HMCN2: variants seen among roughly 807,000 people sequenced by gnomAD.
HMCN2 encodes hemicentin-2.
HMCN2 carries 325 observed loss-of-function variants against 377.5 expected under a neutral mutation model. The observed-to-expected ratio is 0.86, with a 90% confidence interval of 0.79 to 0.94. The LOEUF (loss-of-function observed/expected upper bound fraction) is 0.94, where lower values mean the gene tolerates loss of function less well. HMCN2 is among the 40% of genes least tolerant of loss of function. The probability of loss-of-function intolerance (pLI) is 0.00; values close to 1 mark genes in which losing one functional copy is unlikely to be tolerated. For missense variants in HMCN2, 4,543 were observed against 4,725.3 expected (o/e 0.96, Z 1.13); for synonymous variants, 2,007 against 2,046.8 (o/e 0.98, Z 0.53).
At chr9:130,389,583 T>G (rs1488576092) in intron 62 of HMCN2, among the ~76,000 whole-genome samples, 1 of 152,158 alleles carries the variant, frequency 6.6e-6, no homozygotes, top group Non-Finnish European at 1.5e-5. Flanking sequence ...TCATTCTTTT[T>G]TTTTTTTTTG....
At chr9:130,331,896 G>A (rs961629481) in intron 22 of HMCN2, among the ~76,000 whole-genome samples, 3 of 152,154 alleles carry the variant, frequency 2.0e-5, no homozygotes, top group Non-Finnish European at 2.9e-5. Context: ...AGGATGGTGC[G>A]TTTCTATCTC....
In HMCN2 at chr9:130,337,951, C is replaced by T. The variant is rs993548445; in HGVS notation, c.3417C>T (p.Ser1139=). The change falls in exon 23 of 98, where the codon AGC becomes AGT. Residue 1139 remains serine (S), a synonymous_variant. Coordinates refer to ENST00000683500, the MANE Select transcript of HMCN2 (RefSeq NM_001291815.2). ...LRLAQVQVGD[S]GHYECTASNP... is the part of the protein sequence containing the mutation. ...TGGCCCAGGTGCAGGTGGGTGACAG[C>T]GGCCACTACGAGTGCACAGCCAGTA... 0.033 allele frequency: 4,968 copies of T among 152,644 alleles called. 138 individuals carry two copies. Among genetic ancestry groups the T allele is most frequent in the Middle Eastern group, 0.083 (25 of 300 alleles). 9.5% of individuals were successfully genotyped at this position (152,644 alleles called of 1,614,324 possible).
At position 130,319,221 on chromosome 9, in the gene HMCN2, G is replaced by T. The variant is rs908899318; in HGVS notation, c.2351-274G>T. Among the ~76,000 whole-genome samples the T allele has an allele frequency of 9.2e-5, 14 of 152,230 alleles. No homozygotes were observed. The East Asian group carries it at 2.7e-3, about 29-fold the overall frequency. On this transcript the variant is annotated intron_variant, in intron 15 of 97. Coordinates refer to ENST00000683500, the MANE Select transcript of HMCN2 (RefSeq NM_001291815.2). ...CCTGGGAGGTGTCACAGCCAGGAGT[G>T]GGCATGCTGCTCCCTCCCCTGCACC...
chr9:130,334,730 TTC>T (rs1244703266), intron 22 of HMCN2, among the ~76,000 whole-genome samples: 3 of 134,964 alleles, frequency 2.2e-5, no homozygotes, highest in Non-Finnish European at 4.8e-5. Context: ...TCTTCTCTCT[TTC>T]TCTCTCTTTC....
chr9:130,395,308 G>T lies in HMCN2; in HGVS notation c.10872G>T (p.Ala3624=), dbSNP rs1458423939. 1 of 1,289,302 alleles carries T rather than the reference G, an allele frequency of 7.8e-7. No homozygotes were observed. The highest frequency in any genetic ancestry group is 1.0e-6 in the Non-Finnish European group (1 of 988,698). The allele number at this position is 1,289,302 out of a possible 1,614,324, so 79.9% of individuals were successfully genotyped here. A position where few individuals can be genotyped will look rare whatever the true frequency, so the allele number is the denominator to read the frequency against. ...AGTGTTCGGTGGAGGCAGAGCCAGC[G>T]CCCAAGATCACGTGGCACCGAGACG... The part of the protein sequence containing the change: ...VLECSVEAEP[A]PKITWHRDGI... Residue 3624 remains alanine, a synonymous_variant, in exon 71 of 98, where the codon GCG becomes GCT. Transcript: ENST00000683500.
chr9:130,292,957 T>TCTAC (rs1367690162), intron 4 of HMCN2, among the ~76,000 whole-genome samples: 1 of 47,952 alleles, frequency 2.1e-5, no homozygotes, highest in Non-Finnish European at 3.9e-5. Context: ...GATCAATTGC[T>TCTAC]CTATCTATCT....
chr9:130,395,334 G>T lies in HMCN2; in HGVS notation c.10898G>T (p.Gly3633Val), dbSNP rs1274029242. The T allele has an allele frequency of 7.8e-7, 1 of 1,288,388 alleles. No individual in the cohort carries two copies. The highest frequency in any genetic ancestry group is 1.2e-5 in the South Asian group (1 of 80,816). The allele number at this position is 1,288,388 out of a possible 1,614,324, so 79.8% of individuals were successfully genotyped here. ...CCCAAGATCACGTGGCACCGAGACG[G>T]CATTGTGCTGCAGGTGGGCGCCAGG... is the stretch of plus-strand genomic sequence containing the variant. The part of the protein sequence containing the change: ...PAPKITWHRD[G>V]IVLQEDAHTQ... Residue 3633 changes from glycine to valine, a missense_variant, in exon 71 of 98, where the codon GGC becomes GTC. Physicochemically the swap from Gly to Val is moderately radical, Grantham distance 109. Around this residue, in one of 5 missense-constraint regions of HMCN2, gnomAD observed 1,073 missense variants for 1,319.5 expected, o/e 0.81. Coordinates refer to ENST00000683500, the MANE Select transcript of HMCN2 (RefSeq NM_001291815.2).
intron 1 of HMCN2, among the ~76,000 whole-genome samples, chr9:130,266,787 A>G (rs1321135056): frequency 6.6e-6 from 1 of 152,168 alleles, no homozygotes; most frequent in Non-Finnish European, 1.5e-5. Context: ...TCTTCCCTGC[A>G]CGCTGCACCT....
At chr9:130,312,758 T>C (rs1837339139) in intron 15 of HMCN2, among the ~76,000 whole-genome samples, 1 of 150,362 alleles carries the variant, frequency 6.7e-6, no homozygotes, top group African/African-American at 2.4e-5. Context: ...CTCTACCTCC[T>C]AGGTTCAAGT....
chr9:130,298,018 G>A (rs1554932751), intron 7 of HMCN2, among the ~76,000 whole-genome samples: 2 of 152,148 alleles, frequency 1.3e-5, no homozygotes, highest in African/African-American at 4.8e-5. Context: ...GCAGTGGTGC[G>A]ATCTCTGCTC....
chr9:130,271,583 TTTTTTG>T (rs1305106226), intron 1 of HMCN2, among the ~76,000 whole-genome samples: 3 of 149,012 alleles, frequency 2.0e-5, no homozygotes, highest in African/African-American at 4.8e-5. Flanking sequence ...TGCACGTGTG[TTTTTTG>T]TTTTTGTTTT....
intron 24 of HMCN2, among the ~76,000 whole-genome samples, chr9:130,341,987 C>T (rs1342249281): frequency 1.7e-4 from 26 of 150,578 alleles, no homozygotes; most frequent in African/African-American, 5.9e-4. Context: ...ACCAGTCTGG[C>T]CAACATAGTG....
rs567851243 is a variant in HMCN2 at position 130,428,057 on chromosome 9, C to A, written c.14066-301C>A. Among the ~76,000 whole-genome samples the A allele has an allele frequency of 6.6e-6, 1 of 152,220 alleles. No individual in the cohort carries two copies. Among genetic ancestry groups the A allele is most frequent in the African/African-American group, 2.4e-5 (1 of 41,468 alleles). The stretch of plus-strand genomic sequence containing the variant: ...CCAGTCTGCATCCCTGCACTCCCAC[C>A]GGGAGGGCCTGGTGCTGCCAAGTCT... On this transcript the variant is annotated intron_variant, in intron 92 of 97. Transcript: ENST00000683500. This position sits in a 1 kb window ranked among gnomAD's most constrained non-coding sequence, Gnocchi z 5.0.
intron 4 of HMCN2, among the ~76,000 whole-genome samples, chr9:130,287,068 TC>T (rs1835451837): frequency 6.6e-6 from 1 of 152,088 alleles, no homozygotes; most frequent in African/African-American, 2.4e-5. Context: ...GTATAAATGC[TC>T]CCACCTCGGC....
At position 130,391,356 on chromosome 9, in the gene HMCN2, C is replaced by T; in HGVS notation, c.9820C>T (p.His3274Tyr). 1.0e-6 allele frequency: 1 copy of T among 987,684 alleles called. No individual in the cohort carries two copies. Among genetic ancestry groups the T allele is most frequent in the Non-Finnish European group, 1.2e-6 (1 of 830,134 alleles). 61.2% of individuals were successfully genotyped at this position (987,684 alleles called of 1,614,324 possible). A position where few individuals can be genotyped will look rare whatever the true frequency, so the allele number is the denominator to read the frequency against. Reference sequence around the variant, plus strand: ...CCCGCTGGGCCAGGACATGGGCCCCCACCTCCGGTAAGACTTGGCCCATGC... The same window carrying T: ...CCCGCTGGGCCAGGACATGGGCCCCTACCTCCGGTAAGACTTGGCCCATGC... The part of the protein sequence containing the change: ...GSPLGQDMGP[H>Y]LRFYLDGGSL... The change falls in exon 64 of 98, where the codon CAC (histidine) becomes TAC (tyrosine). Residue 3274 changes from histidine (H) to tyrosine (Y), a missense_variant. His to Tyr is a moderately conservative substitution (Grantham distance 83). This residue lies in a region of HMCN2 where 1,073 missense variants were observed against 1,319.5 expected (regional missense o/e 0.81). Coordinates refer to ENST00000683500, the MANE Select transcript of HMCN2 (RefSeq NM_001291815.2).
chr9:130,430,473 G>A lies in HMCN2; in HGVS notation c.14516G>A (p.Arg4839Gln), dbSNP rs777016704. The change falls in exon 95 of 98, where the codon CGG becomes CAG. Residue 4839 changes from arginine to glutamine, a missense_variant. Arg to Gln is a conservative substitution (Grantham distance 43). Around this residue, in one of 5 missense-constraint regions of HMCN2, gnomAD observed 1,155 missense variants for 1,157.7 expected, o/e 1.00. Transcript: ENST00000683500. ...CGAGGCCCTCTATTGCCCTGGCTGC[G>A]GCCCTGGGCCTCGATCCCCGGTACC... ...SHRGPLLPWL[R>Q]PWASIPGTSY... 253 of 1,550,466 alleles carry A rather than the reference G, an allele frequency of 1.6e-4. No individual in the cohort carries two copies. Among genetic ancestry groups the A allele is most frequent in the Non-Finnish European group, 1.9e-4 (215 of 1,146,972 alleles).
chr9:130,388,666 C>A, intron 62 of HMCN2, 126 bp downstream of exon 62: 1 of 479,976 alleles, frequency 2.1e-6, no homozygotes, highest in Non-Finnish European at 2.5e-6. Context: ...CTGGCAGTGC[C>A]GTGTTGCCCC....
chr9:130,332,474 G>A (rs1292038183), intron 22 of HMCN2, among the ~76,000 whole-genome samples: 2 of 152,330 alleles, frequency 1.3e-5, no homozygotes, highest in South Asian at 4.1e-4. Flanking sequence ...AAGTGAGAGC[G>A]TGTTTGGCGG....
intron 22 of HMCN2, among the ~76,000 whole-genome samples, chr9:130,333,440 C>G (rs942821787): frequency 6.6e-6 from 1 of 152,222 alleles, no homozygotes; most frequent in African/African-American, 2.4e-5. Context: ...CCCTGGGCCC[C>G]TCTTGCTTCT....
Sources: gnomAD v4.1 joint callset for allele counts (sites outside exome capture counted in the v4.1 genomes callset) on GRCh38, gnomAD v4.1.1 for gene constraint, gnomAD v4.1.1 regional missense constraint, Gnocchi (gnomAD v3.1) non-coding constraint, MANE v1.5 for transcripts, NCBI Gene and HGNC (gene_info 2026-07-23, HGNC 2026-07-21) for gene names.